The following PACRG variants were observed in gnomAD, a reference collection of about 807,000 sequenced individuals.
The protein encoded by PACRG is parkin coregulated gene protein.
PACRG carries 29 observed loss-of-function variants against 29.7 expected under a neutral mutation model. That is an observed-to-expected ratio of 0.98 (90% confidence interval 0.73 to 1.33). The LOEUF is 1.33. PACRG is among the 40% of genes most tolerant of loss of function. The probability of loss-of-function intolerance (pLI) is 0.00; values close to 1 mark genes in which losing one functional copy is unlikely to be tolerated. For missense variants in PACRG, 279 were observed against 316.2 expected (o/e 0.88, Z 0.89); for synonymous variants, 116 against 118.7 (o/e 0.98, Z 0.15).
chr6:162,809,580 G>A (rs569556138), intron 1 of PACRG, among the ~76,000 whole-genome samples: 1 of 152,196 alleles, frequency 6.6e-6, no homozygotes, highest in South Asian at 2.1e-4. Context: ...TCAAAAGTTT[G>A]AACATTAAGA....
At chr6:162,850,228 A>G (rs1354771213) in intron 2 of PACRG, among the ~76,000 whole-genome samples, 1 of 152,252 alleles carries the variant, frequency 6.6e-6, no homozygotes, top group East Asian at 1.9e-4. Flanking sequence ...TGTTCATAAA[A>G]TATGTGTAGC....
At chr6:162,779,745 C>A (rs143274895) in intron 1 of PACRG, among the ~76,000 whole-genome samples, 1 of 152,096 alleles carries the variant, frequency 6.6e-6, no homozygotes, top group African/African-American at 2.4e-5. Context: ...AATGTGACCT[C>A]GAAATAGTAT....
At chr6:163,135,169 T>C (rs182623983) in intron 4 of PACRG, among the ~76,000 whole-genome samples, 623 of 151,442 alleles carry the variant, frequency 4.1e-3, no homozygotes, top group Middle Eastern at 0.01. Context: ...TTTCTACATG[T>C]GATTCTAGTT....
intron 4 of PACRG, among the ~76,000 whole-genome samples, chr6:163,276,344 C>T (rs918625360): frequency 1.3e-5 from 2 of 152,156 alleles, no homozygotes; most frequent in South Asian, 2.1e-4. Context: ...TAGGGTATTA[C>T]TTTCAATCAT....
rs60158969 is a variant in PACRG at position 162,947,367 on chromosome 6, C to CATATATATAATCATATATATAATCATATA, written c.292-114776_292-114775insTAATCATATATATAATCATATAATATATA. Among the ~76,000 whole-genome samples the CATATATATAATCATATATATAATCATATA allele has an allele frequency of 1.4e-4, 6 of 41,860 alleles. No individual in the cohort carries two copies. In the East Asian group the frequency reaches 3.1e-3, roughly 22 times the overall value. 27.5% of individuals were successfully genotyped at this position (41,860 alleles called of 152,430 possible). The stretch of plus-strand genomic sequence containing the variant: ...AATGATTACATATATATAATGTAAT[C>CATATATATAATCATATATATAATCATATA]ATATATAATCATATATATAATCATA... On this transcript the variant is annotated intron_variant, in intron 2 of 4. Coordinates refer to ENST00000366888, the MANE Select transcript of PACRG (RefSeq NM_001080379.2).
intron 2 of PACRG, among the ~76,000 whole-genome samples, chr6:162,900,985 C>T: frequency 6.6e-6 from 1 of 152,216 alleles, no homozygotes; most frequent in East Asian, 1.9e-4. Flanking sequence ...TTTGCTTCAG[C>T]ATCTCTCATG....
intron 4 of PACRG, among the ~76,000 whole-genome samples, chr6:163,229,009 T>C (rs1282536020): frequency 6.6e-6 from 1 of 152,214 alleles, no homozygotes; most frequent in African/African-American, 2.4e-5. Flanking sequence ...GTTTTGTTTA[T>C]AAAAATAGTA....
At chr6:163,171,977 C>T (rs528570262) in intron 4 of PACRG, among the ~76,000 whole-genome samples, 111 of 152,306 alleles carry the variant, frequency 7.3e-4, no homozygotes, top group South Asian at 1.5e-3. Context: ...AGTCCATCAA[C>T]CTGGCACAAA....
At chr6:163,143,201 A>G (rs932704587) in intron 4 of PACRG, among the ~76,000 whole-genome samples, 24 of 152,194 alleles carry the variant, frequency 1.6e-4, no homozygotes, top group Admixed American at 1.4e-3. Flanking sequence ...AGTAAATCTA[A>G]TACTATTCCA....
rs1439639257 is a variant in PACRG, at chr6:162,947,341, TAATGATTACATATATATAATGTA to T, written c.292-114807_292-114785del. On this transcript the variant is annotated intron_variant, in intron 2 of 4. Transcript: ENST00000366888. ...TATATAATACATATAATCATATATA[TAATGATTACATATATATAATGTA>T]ATCATATATAATCATATATATAATC... Among the ~76,000 whole-genome samples, 30 of 61,492 alleles carry T rather than the reference TAATGATTACATATATATAATGTA, an allele frequency of 4.9e-4. 5 individuals are homozygous for T. The highest frequency in any genetic ancestry group is 8.4e-4 in the Non-Finnish European group (26 of 31,128). The allele number at this position is 61,492 out of a possible 152,430, so 40.3% of individuals were successfully genotyped here.
intron 1 of PACRG, among the ~76,000 whole-genome samples, chr6:162,743,191 C>T (rs892616453): frequency 2.0e-5 from 3 of 152,082 alleles, no homozygotes; most frequent in Admixed American, 6.5e-5. Context: ...TCTATTCAGT[C>T]CCTTTGCCCA....
intron 2 of PACRG, among the ~76,000 whole-genome samples, chr6:162,968,138 G>A (rs796105525): frequency 6.6e-6 from 1 of 152,070 alleles, no homozygotes; most frequent in Non-Finnish European, 1.5e-5. Flanking sequence ...ATCTCTGATG[G>A]GTTGTATGTC....
At position 163,264,362 on chromosome 6, in the gene PACRG, C is replaced by T. The variant is rs565847223; in HGVS notation, c.614-50465C>T. Among the ~76,000 whole-genome samples the T allele has an allele frequency of 7.2e-4, 109 of 152,314 alleles. 3 individuals carry two copies. In the South Asian group the frequency reaches 0.012, roughly 16 times the overall value. On this transcript the variant is annotated intron_variant, in intron 4 of 4. Coordinates refer to ENST00000366888, the MANE Select transcript of PACRG (RefSeq NM_001080379.2). ...ACCAGCCTCCCGAGCTCCATCGTCC[C>T]TCAGAGTCACTCCGCATCCACTGCG...
intron 4 of PACRG, among the ~76,000 whole-genome samples, chr6:163,187,264 G>T (rs1331882721): frequency 1.3e-5 from 2 of 152,072 alleles, no homozygotes; most frequent in Non-Finnish European, 2.9e-5. Context: ...AGACTGATCT[G>T]TTCGCGGCCT....
In PACRG at chr6:163,312,644, T is replaced by C. The variant is rs148112915; in HGVS notation, c.614-2183T>C. On this transcript the variant is annotated intron_variant, in intron 4 of 4. Transcript: ENST00000366888. ...CCGGTGGACTTCAAATGCATATCCATTTACATGTTTGTTTTTACAAAGTGT... is the reference window on the plus strand; with the variant it reads ...CCGGTGGACTTCAAATGCATATCCACTTACATGTTTGTTTTTACAAAGTGT... 797 of 286,562 alleles carry C rather than the reference T, an allele frequency of 2.8e-3. 7 individuals are homozygous for C. The highest frequency in any genetic ancestry group is 0.013 in the Middle Eastern group (10 of 776). 17.8% of individuals were successfully genotyped at this position (286,562 alleles called of 1,614,324 possible).
At chr6:162,770,833 A>T (rs1328720775) in intron 1 of PACRG, among the ~76,000 whole-genome samples, 2 of 152,204 alleles carry the variant, frequency 1.3e-5, no homozygotes, top group East Asian at 3.8e-4. Context: ...TAATGTAAAG[A>T]TGTGACTGCA....
chr6:162,868,526 G>A (rs1323878633), intron 2 of PACRG, among the ~76,000 whole-genome samples: 2 of 152,154 alleles, frequency 1.3e-5, no homozygotes, highest in African/African-American at 4.8e-5. Flanking sequence ...CTCCCCTGAG[G>A]AACAGAGGAT....
At chr6:163,249,435 G>T (rs1237109216) in intron 4 of PACRG, among the ~76,000 whole-genome samples, 1 of 152,184 alleles carries the variant, frequency 6.6e-6, no homozygotes, top group East Asian at 1.9e-4. Flanking sequence ...AAAATAGCCG[G>T]CTGGCAAGTG....
intron 1 of PACRG, among the ~76,000 whole-genome samples, chr6:162,734,081 A>C (rs998443145): frequency 2.0e-5 from 3 of 152,236 alleles, no homozygotes; most frequent in Non-Finnish European, 4.4e-5. Flanking sequence ...AATTAATGAA[A>C]GACTATATTT....
Sources: gnomAD v4.1 joint callset for allele counts (sites outside exome capture counted in the v4.1 genomes callset) on GRCh38, gnomAD v4.1.1 for gene constraint, MANE v1.5 for transcripts, NCBI Gene and HGNC (gene_info 2026-07-23, HGNC 2026-07-21) for gene names.